PHKA1: variants seen among roughly 807,000 people sequenced by gnomAD.
The protein encoded by PHKA1 is phosphorylase b kinase regulatory subunit alpha, skeletal muscle isoform.
PHKA1 carries 60 observed loss-of-function variants against 110.2 expected under a neutral mutation model. The ratio of observed to expected loss-of-function variants is 0.54; its 90% CI spans 0.44 to 0.68. The LOEUF is 0.68. Among genes scored for constraint, PHKA1 ranks in the 30% least tolerant of loss-of-function variants. The probability of loss-of-function intolerance (pLI) is 0.00; values close to 1 mark genes in which losing one functional copy is unlikely to be tolerated. For missense variants in PHKA1, 801 were observed against 942.5 expected (o/e 0.85, Z 1.97); for synonymous variants, 316 against 333.6 (o/e 0.95, Z 0.58).
intron 5 of PHKA1, among the ~76,000 whole-genome samples, chrX:72,682,159 T>C (rs2053896886): frequency 3.1e-5 from 2 of 63,806 alleles, no homozygotes; most frequent in African/African-American, 1.2e-4. Context: ...TACTGGGAAG[T>C]GAGGAGCCCC....
chrX:72,650,407 GGC>G lies in PHKA1; in HGVS notation c.1305_1306del (p.Lys435AsnfsTer12). On this transcript the variant is annotated frameshift_variant, in exon 13 of 32. Transcript: ENST00000373542. LOFTEE classifies it high-confidence loss of function. Reference sequence around the variant, plus strand: ...ATACATACCTTGAACCACAACATCGGGCTTCGGTACAGTAGAAAACCTGCGAT... The same window carrying G: ...ATACATACCTTGAACCACAACATCGGTTCGGTACAGTAGAAAACCTGCGAT... 2 of 1,208,954 alleles carry G rather than the reference GGC, an allele frequency of 1.7e-6. No individual in the cohort carries two copies. Among genetic ancestry groups the G allele is most frequent in the Non-Finnish European group, 2.2e-6 (2 of 893,323 alleles).
intron 27 of PHKA1, 44 bp downstream of exon 27, chrX:72,602,114 G>T: frequency 2.8e-6 from 3 of 1,080,945 alleles, no homozygotes; most frequent in Non-Finnish European, 3.9e-6. Flanking sequence ...AGAATGTTCT[G>T]AAACATGGCA....
At chrX:72,590,982 A>T (rs1302542473) in intron 29 of PHKA1, among the ~76,000 whole-genome samples, 3 of 112,182 alleles carry the variant, frequency 2.7e-5, no homozygotes, top group African/African-American at 9.7e-5. Flanking sequence ...AACTAGTTCA[A>T]CCATTGTGGA....
rs1157468030 is a variant in PHKA1, at chrX:72,670,094, C to T, written c.619-2621G>A. ...CGTTCTAACTGGCGTGAGATGGTATCTCGTTGTGGTTTTGATTTGCATTTC... is the reference window on the plus strand; with the variant it reads ...CGTTCTAACTGGCGTGAGATGGTATTTCGTTGTGGTTTTGATTTGCATTTC... On this transcript the variant is annotated intron_variant, in intron 6 of 31. Transcript: ENST00000373542. Among the ~76,000 whole-genome samples the T allele has an allele frequency of 2.7e-5, 3 of 111,852 alleles. No individual in the cohort carries two copies. In the Admixed American group the frequency reaches 2.8e-4, roughly 11 times the overall value.
intron 19 of PHKA1, among the ~76,000 whole-genome samples, chrX:72,619,653 C>T (rs782434843): frequency 1.8e-5 from 2 of 111,519 alleles, no homozygotes; most frequent in Non-Finnish European, 3.8e-5. Context: ...TTCTATTTTC[C>T]GAACTTTTCT....
chrX:72,700,340 TTA>T (rs1200199595), intron 3 of PHKA1, among the ~76,000 whole-genome samples: 1 of 112,441 alleles, frequency 8.9e-6, no homozygotes, highest in Admixed American at 9.4e-5. Context: ...AAATTATAAA[TTA>T]TGTCTTTTTC....
intron 5 of PHKA1, among the ~76,000 whole-genome samples, chrX:72,682,325 C>G (rs1433360458): frequency 9.3e-6 from 1 of 107,466 alleles, no homozygotes; most frequent in Non-Finnish European, 2.0e-5. Flanking sequence ...GCCGCCCCGT[C>G]CGGGAGGGAG....
At position 72,582,404 on chromosome X, in the gene PHKA1, T is replaced by C; in HGVS notation, c.3492A>G (p.Gln1164=). 8.4e-7 allele frequency: 1 copy of C among 1,190,544 alleles called. No individual in the cohort carries two copies. The highest frequency in any genetic ancestry group is 1.1e-6 in the Non-Finnish European group (1 of 876,090). Residue 1164 remains glutamine, a synonymous_variant, in exon 31 of 32, where the codon CAA becomes CAG. Coordinates refer to ENST00000373542, the MANE Select transcript of PHKA1 (RefSeq NM_002637.4). Reference sequence around the variant, plus strand: ...AAACAACAGGTTTGCCTACCTGTTCTTGAAGGAACAAGTCATTGGCAATAT... The same window carrying C: ...AAACAACAGGTTTGCCTACCTGTTCCTGAAGGAACAAGTCATTGGCAATAT... The part of the protein sequence containing the change: ...IVHIANDLFL[Q]EQKTLGADDT...
intron 23 of PHKA1, among the ~76,000 whole-genome samples, chrX:72,609,270 A>G (rs1556256320): frequency 8.9e-6 from 1 of 111,899 alleles, no homozygotes; most frequent in Non-Finnish European, 1.9e-5. Context: ...TTTATTCCCC[A>G]TGAGCAGCAT....
At chrX:72,657,011 C>A (rs891695331) in intron 9 of PHKA1, among the ~76,000 whole-genome samples, 2 of 111,976 alleles carry the variant, frequency 1.8e-5, no homozygotes, top group Non-Finnish European at 1.9e-5. Flanking sequence ...AACATCAAAT[C>A]TAAGCTTTAA....
At chrX:72,703,288 AT>A (rs1310242062) in intron 3 of PHKA1, among the ~76,000 whole-genome samples, 1 of 112,271 alleles carries the variant, frequency 8.9e-6, no homozygotes, top group Non-Finnish European at 1.9e-5. Context: ...TGAAATTTAA[AT>A]TTGATAATTA....
At chrX:72,645,234 T>G (rs995765410) in intron 13 of PHKA1, among the ~76,000 whole-genome samples, 3 of 112,249 alleles carry the variant, frequency 2.7e-5, no homozygotes, top group Non-Finnish European at 5.6e-5. Flanking sequence ...AGTAATCCAA[T>G]TGAGGCTTTA....
At chrX:72,628,222 C>T (rs1237099776) in intron 16 of PHKA1, among the ~76,000 whole-genome samples, 2 of 110,345 alleles carry the variant, frequency 1.8e-5, no homozygotes, top group African/African-American at 6.6e-5. Flanking sequence ...ATTTTATTGC[C>T]AATAAGATTA....
chrX:72,588,628 T>C (rs782108802), intron 29 of PHKA1, among the ~76,000 whole-genome samples: 1 of 111,435 alleles, frequency 9.0e-6, no homozygotes, highest in African/African-American at 3.3e-5. Flanking sequence ...AAAAGATCAA[T>C]GAATCCAGGA....
At chrX:72,708,788 C>T (rs1401145868) in intron 2 of PHKA1, among the ~76,000 whole-genome samples, 13 of 111,531 alleles carry the variant, frequency 1.2e-4, no homozygotes, top group Non-Finnish European at 2.4e-4. Flanking sequence ...AAATTCACTC[C>T]CATCTTAGAC....
In PHKA1 at chrX:72,602,971, T is replaced by C. The variant is rs147515736; in HGVS notation, c.2917+148A>G. The C allele has an allele frequency of 2.6e-4, 122 of 476,989 alleles. 1 individual carries two copies. The highest frequency in any genetic ancestry group is 1.9e-3 in the African/African-American group (79 of 41,866). 39.3% of individuals were successfully genotyped at this position (476,989 alleles called of 1,213,427 possible). A position where few individuals can be genotyped will look rare whatever the true frequency, so the allele number is the denominator to read the frequency against. On this transcript the variant is annotated intron_variant, in intron 26 of 31. Transcript: ENST00000373542. The stretch of plus-strand genomic sequence containing the variant: ...AAAATATAGTGGTTTCCAAATCTTG[T>C]TCCAGAAGACAGCTTGGTTTCTGTT...
chrX:72,681,134 G>T (rs1355900507), intron 5 of PHKA1, among the ~76,000 whole-genome samples: 1 of 83,981 alleles, frequency 1.2e-5, no homozygotes, highest in South Asian at 7.0e-4. Flanking sequence ...GTCTCTGCCC[G>T]GCCGCCCATC....
chrX:72,597,283 G>A (rs1252645783), intron 28 of PHKA1, among the ~76,000 whole-genome samples: 1 of 112,069 alleles, frequency 8.9e-6, no homozygotes, highest in East Asian at 2.8e-4. Flanking sequence ...CTGTACAAAC[G>A]CTATGGTTTA....
At position 72,603,138 on chromosome X, in the gene PHKA1, C is replaced by T. The variant is rs1556245885; in HGVS notation, c.2898G>A (p.Glu966=). The T allele has an allele frequency of 8.3e-7, 1 of 1,197,884 alleles. No individual in the cohort carries two copies. Among genetic ancestry groups the T allele is most frequent in the African/African-American group, 1.8e-5 (1 of 57,063 alleles). Residue 966 remains glutamate (E), a synonymous_variant, in exon 26 of 32, where the codon GAG becomes GAA. Transcript: ENST00000373542. The part of the protein sequence containing the change: ...NLLHHILSGK[E]FGVERSVRPT... ...TCTCACCGCTTCGTTCCACTCCAAA[C>T]TCCTTGCCGCTGAGAATGTGATGCA...
Sources: allele counts gnomAD v4.1 joint callset (sites outside exome capture counted in the v4.1 genomes callset), GRCh38; gene constraint gnomAD v4.1.1; transcripts MANE v1.5; gene names NCBI Gene and HGNC (gene_info 2026-07-23, HGNC 2026-07-21).